PRRC2B: variants seen among roughly 807,000 people sequenced by gnomAD.
The protein encoded by PRRC2B is protein PRRC2B.
PRRC2B carries 68 observed loss-of-function variants against 242.3 expected under a neutral mutation model. The ratio of observed to expected loss-of-function variants is 0.28; its 90% CI spans 0.23 to 0.34. The LOEUF (loss-of-function observed/expected upper bound fraction) is 0.34. PRRC2B is among the 10% of genes least tolerant of loss of function. The pLI is 1.00. For missense variants in PRRC2B, 2,835 were observed against 2,954.8 expected, an observed-to-expected ratio of 0.96 and a Z score of 0.94; for synonymous variants, 1,228 against 1,173.6, an observed-to-expected ratio of 1.05 and a Z score of -0.95.
intron 19 of PRRC2B, among the ~76,000 whole-genome samples, chr9:131,479,898 A>G (rs1943809465): frequency 6.6e-6 from 1 of 152,104 alleles, no homozygotes; most frequent in Non-Finnish European, 1.5e-5. Flanking sequence ...TACTTCTTAG[A>G]ACATTTGTTG....
chr9:131,483,072 G>C (rs1411123067), intron 22 of PRRC2B, among the ~76,000 whole-genome samples, 165 bp downstream of exon 22: 2 of 152,186 alleles, frequency 1.3e-5, no homozygotes, highest in African/African-American at 4.8e-5. Flanking sequence ...CACATGGCCA[G>C]TGCTCTGTTG....
rs1943914132 is a variant in PRRC2B, at chr9:131,482,995, C to T, written c.5373+88C>T. 3.4e-6 allele frequency: 5 copies of T among 1,456,588 alleles called. No homozygotes were observed. In the Admixed American group the frequency reaches 1.0e-4, roughly 29 times the overall value. 90.2% of individuals were successfully genotyped at this position (1,456,588 alleles called of 1,614,324 possible). On this transcript the variant is annotated intron_variant, in intron 22 of 31. Transcript: ENST00000683519. The surrounding 1 kb of genome is among the most constrained non-coding windows in gnomAD (Gnocchi z 5.2). ...CTGGGGGCTCAGATGGGATTGTCTC[C>T]TAGAAGGAATAGAAGGATGGGAGCC...
intron 1 of PRRC2B, among the ~76,000 whole-genome samples, chr9:131,387,816 A>G (rs1836844836): frequency 6.6e-6 from 1 of 150,728 alleles, no homozygotes; most frequent in Non-Finnish European, 1.5e-5. Flanking sequence ...ACCACAAAGA[A>G]TGTCAGTGAT....
chr9:131,402,610 G>A (rs1252436295), intron 1 of PRRC2B, among the ~76,000 whole-genome samples: 4 of 152,114 alleles, frequency 2.6e-5, no homozygotes, highest in African/African-American at 4.8e-5. Context: ...ATTCATCACT[G>A]TGTGCCAGGT....
intron 1 of PRRC2B, among the ~76,000 whole-genome samples, chr9:131,420,493 C>CTTTCTTTCTTTCTTTCTT: frequency 6.0e-4 from 18 of 30,182 alleles, no homozygotes; most frequent in African/African-American, 9.7e-4. Context: ...TTCTTTCTTT[C>CTTTCTTTCTTTCTTTCTT]TTTTTTTTTT....
Position 131,487,105 on chromosome 9 carries a change from G to C in PRRC2B, c.5857-62G>C. ...GTGGAGAGGGGCAGGGGAGGTGGGA[G>C]GGGAAGAACCACCTGGATGGGCCTT... On this transcript the variant is annotated intron_variant, in intron 26 of 31. Transcript: ENST00000683519. This position sits in a 1 kb window ranked among gnomAD's most constrained non-coding sequence, Gnocchi z 5.3. 1 of 1,537,580 alleles carries C rather than the reference G, an allele frequency of 6.5e-7. No homozygotes were observed. The highest frequency in any genetic ancestry group is 8.9e-7 in the Non-Finnish European group (1 of 1,118,174).
At chr9:131,460,690 A>G (rs1175056668) in intron 11 of PRRC2B, among the ~76,000 whole-genome samples, 2 of 151,948 alleles carry the variant, frequency 1.3e-5, no homozygotes, top group Non-Finnish European at 2.9e-5. Flanking sequence ...GGTGTAATCT[A>G]CTCTCACCTG....
At chr9:131,486,287 A>G in intron 26 of PRRC2B, 105 bp downstream of exon 26, 1 of 916,314 alleles carries the variant, frequency 1.1e-6, no homozygotes, top group South Asian at 1.6e-5. Flanking sequence ...CTGGTTTTCC[A>G]TCCCCCTCAC....
At chr9:131,431,968 A>G (rs1255395853) in intron 2 of PRRC2B, among the ~76,000 whole-genome samples, 4 of 151,664 alleles carry the variant, frequency 2.6e-5, no homozygotes, top group Non-Finnish European at 4.4e-5. Context: ...TAATTTTTGT[A>G]TTTTTAGTAG....
chr9:131,478,734 A>G (rs368753127), intron 18 of PRRC2B, 115 bp downstream of exon 18: 2 of 695,374 alleles, frequency 2.9e-6, no homozygotes, highest in African/African-American at 1.8e-5. Context: ...GGCAGAGAGG[A>G]AGAAAGGAGT....
chr9:131,404,894 C>G (rs1333433238), intron 1 of PRRC2B, among the ~76,000 whole-genome samples: 1 of 152,288 alleles, frequency 6.6e-6, no homozygotes, highest in East Asian at 1.9e-4. Flanking sequence ...CAAAAACATA[C>G]AATTTGTATG....
chr9:131,451,142 G>C (rs926099072), intron 9 of PRRC2B, among the ~76,000 whole-genome samples: 6 of 152,180 alleles, frequency 3.9e-5, no homozygotes, highest in Non-Finnish European at 7.4e-5. Flanking sequence ...GCTCACGCCT[G>C]TAATCCCACC....
In PRRC2B at chr9:131,494,530, C is replaced by A. The variant is rs747676334; in HGVS notation, c.6555+44C>A. 1.8e-6 allele frequency: 2 copies of A among 1,111,502 alleles called. No homozygotes were observed. Among genetic ancestry groups the A allele is most frequent in the Non-Finnish European group, 1.3e-6 (1 of 751,874 alleles). 68.9% of individuals were successfully genotyped at this position (1,111,502 alleles called of 1,614,324 possible). ...GACCCTTCAGCCCTGGACACTTAGG[C>A]CCGTCTCCAAGCGCCAAAAGAGAAG... On this transcript the variant is annotated intron_variant, in intron 31 of 31. Coordinates refer to ENST00000683519, the MANE Select transcript of PRRC2B (RefSeq NM_013318.4). The surrounding 1 kb of genome is among the most constrained non-coding windows in gnomAD (Gnocchi z 4.3).
intron 25 of PRRC2B, 62 bp from the exon 26 acceptor site, chr9:131,486,023 G>A: frequency 8.9e-7 from 1 of 1,124,248 alleles, no homozygotes; most frequent in South Asian, 1.3e-5. Flanking sequence ...TTTCCCTCAG[G>A]GACATTGAGA....
At chr9:131,493,031 G>A (rs1944239501) in intron 30 of PRRC2B, among the ~76,000 whole-genome samples, 1 of 152,148 alleles carries the variant, frequency 6.6e-6, no homozygotes, top group African/African-American at 2.4e-5. Context: ...CGCTGCAGAC[G>A]CCATGAGGTA....
At chr9:131,481,320 AAAAAAAAAAAAAGAAAGAT>A (rs1943858334) in intron 19 of PRRC2B, among the ~76,000 whole-genome samples, 1 of 151,136 alleles carries the variant, frequency 6.6e-6, no homozygotes, top group Non-Finnish European at 1.5e-5. Flanking sequence ...CCAAAAAAAA[AAAAAAAAAAAAAGAAAGAT>A]ATATTTTTTA....
intron 1 of PRRC2B, among the ~76,000 whole-genome samples, chr9:131,411,461 C>T (rs1564276380): frequency 1.3e-5 from 2 of 150,758 alleles, no homozygotes; most frequent in Non-Finnish European, 3.0e-5. Flanking sequence ...ATTCTCCTGC[C>T]TCAGCCTCCC....
At chr9:131,489,024 G>T (rs943863383) in intron 28 of PRRC2B, among the ~76,000 whole-genome samples, 12 of 152,030 alleles carry the variant, frequency 7.9e-5, no homozygotes, top group Non-Finnish European at 1.2e-4. Context: ...CTCGCCACTG[G>T]TGCCCTTGTT....
At chr9:131,420,834 T>G (rs1837820099) in intron 1 of PRRC2B, among the ~76,000 whole-genome samples, 1 of 151,902 alleles carries the variant, frequency 6.6e-6, no homozygotes, top group Non-Finnish European at 1.5e-5. Context: ...AAGCTGGAGG[T>G]GTGGTGGGGG....
Sources: allele counts gnomAD v4.1 joint callset (sites outside exome capture counted in the v4.1 genomes callset), GRCh38; gene constraint gnomAD v4.1.1; non-coding constraint Gnocchi (gnomAD v3.1); transcripts MANE v1.5; gene names NCBI Gene and HGNC (gene_info 2026-07-23, HGNC 2026-07-21).